Variants in HPSE2 observed in about 807,000 individuals in gnomAD.
HPSE2 encodes the protein inactive heparanase-2.
HPSE2 carries 38 observed loss-of-function variants against 60.5 expected under a neutral mutation model. That is an observed-to-expected ratio of 0.63 (90% CI 0.48 to 0.82). The LOEUF is 0.82. Among genes scored for constraint, HPSE2 ranks in the 40% least tolerant of loss-of-function variants. The pLI is 0.00. For missense variants in HPSE2, 713 were observed against 740.4 expected, an observed-to-expected ratio of 0.96 and a Z score of 0.43; for synonymous variants, 295 against 293.2, an observed-to-expected ratio of 1.01 and a Z score of -0.06.
chr10:98,757,030 C>T (rs944246648), intron 3 of HPSE2, among the ~76,000 whole-genome samples: 1 of 152,030 alleles, frequency 6.6e-6, no homozygotes, highest in African/African-American at 2.4e-5. Context: ...CATATTAATA[C>T]TCAAATTAAT....
chr10:98,976,849 T>A (rs1956097718), intron 3 of HPSE2, among the ~76,000 whole-genome samples: 1 of 152,040 alleles, frequency 6.6e-6, no homozygotes, highest in South Asian at 2.1e-4. Context: ...TGAAATGAGA[T>A]CATCCTGGAC....
chr10:98,588,569 G>A (rs1435556531), intron 9 of HPSE2, among the ~76,000 whole-genome samples: 5 of 152,102 alleles, frequency 3.3e-5, no homozygotes. Context: ...GAGGACTGCT[G>A]AGGTGACTGG....
chr10:98,756,430 A>C (rs1220258290), intron 3 of HPSE2, among the ~76,000 whole-genome samples: 1 of 152,038 alleles, frequency 6.6e-6, no homozygotes, highest in African/African-American at 2.4e-5. Flanking sequence ...TAGCTAGACT[A>C]ATAAAGAAAG....
At chr10:99,102,318 G>C (rs1395258796) in intron 3 of HPSE2, among the ~76,000 whole-genome samples, 1 of 152,170 alleles carries the variant, frequency 6.6e-6, no homozygotes, top group Non-Finnish European at 1.5e-5. Flanking sequence ...CGATCCCACA[G>C]AAATACAAAC....
At chr10:99,217,535 A>G (rs575821650) in intron 2 of HPSE2, among the ~76,000 whole-genome samples, 2 of 152,008 alleles carry the variant, frequency 1.3e-5, no homozygotes, top group South Asian at 2.1e-4. Flanking sequence ...CAAAATGCCT[A>G]TGCTCCACCC....
At chr10:98,916,298 G>C (rs1564653775) in intron 3 of HPSE2, among the ~76,000 whole-genome samples, 1 of 152,274 alleles carries the variant, frequency 6.6e-6, no homozygotes, top group South Asian at 2.1e-4. Flanking sequence ...TCTGCACAGG[G>C]CATGAAATAC....
chr10:98,918,397 C>G (rs942972150), intron 3 of HPSE2, among the ~76,000 whole-genome samples: 1 of 151,624 alleles, frequency 6.6e-6, no homozygotes, highest in Admixed American at 6.6e-5. Context: ...TATTGCGGCA[C>G]TATTCACAAT....
intron 3 of HPSE2, among the ~76,000 whole-genome samples, chr10:99,024,531 C>T (rs1394996187): frequency 1.3e-5 from 2 of 151,908 alleles, no homozygotes; most frequent in Non-Finnish European, 2.9e-5. Context: ...ACAGAACTTC[C>T]CAAGCCTAGA....
intron 3 of HPSE2, among the ~76,000 whole-genome samples, chr10:98,957,606 TA>T (rs1955542729): frequency 1.3e-5 from 2 of 152,334 alleles, no homozygotes; most frequent in South Asian, 4.1e-4. Context: ...CTTCTTGTTG[TA>T]AATGCATGCC....
chr10:99,234,182 G>C (rs1428365432), intron 1 of HPSE2, among the ~76,000 whole-genome samples: 1 of 152,150 alleles, frequency 6.6e-6, no homozygotes, highest in Admixed American at 6.5e-5. Flanking sequence ...CCGCCCTCGC[G>C]GCAACCGCAC....
At chr10:99,293,834 G>A in the HPSE2 span, among the ~76,000 whole-genome samples, 2 of 152,146 alleles carry the variant, frequency 1.3e-5, no homozygotes, top group Non-Finnish European at 2.9e-5. Flanking sequence ...AATATGTGCA[G>A]GGCATGGCCT....
intron 6 of HPSE2, among the ~76,000 whole-genome samples, chr10:98,657,030 T>C (rs1012089755): frequency 7.2e-5 from 11 of 152,286 alleles, no homozygotes; most frequent in African/African-American, 2.4e-4. Flanking sequence ...CCTAAAGTGC[T>C]GAGATTACAG....
intron 6 of HPSE2, among the ~76,000 whole-genome samples, chr10:98,648,042 G>C (rs1025314078): frequency 6.6e-6 from 1 of 152,224 alleles, no homozygotes; most frequent in Non-Finnish European, 1.5e-5. Context: ...GGCAAATAAT[G>C]TCTTTAATGA....
the HPSE2 span, among the ~76,000 whole-genome samples, chr10:99,249,819 T>G: frequency 6.6e-6 from 1 of 152,068 alleles, no homozygotes; most frequent in Non-Finnish European, 1.5e-5. Flanking sequence ...CTTGTGATAG[T>G]GGGTGAGTTC....
At position 98,457,583 on chromosome 10, in the gene HPSE2, T is replaced by G. The variant is rs1940103327; in HGVS notation, c.*1991A>C. On this transcript the variant is annotated 3_prime_UTR_variant, in exon 12 of 12. Coordinates refer to ENST00000370552, the MANE Select transcript of HPSE2 (RefSeq NM_021828.5). ...CTGTACCAGTATGTAGAAGAGACGTTGATATCTGCACACATTTTTAACAGT... is the reference window on the plus strand; with the variant it reads ...CTGTACCAGTATGTAGAAGAGACGTGGATATCTGCACACATTTTTAACAGT... 1 of 152,292 alleles carries G rather than the reference T, an allele frequency of 6.6e-6. No individual in the cohort carries two copies. Among genetic ancestry groups the G allele is most frequent in the African/African-American group, 2.4e-5 (1 of 41,476 alleles). The allele number at this position is 152,292 out of a possible 1,614,324, so 9.4% of individuals were successfully genotyped here. A position where few individuals can be genotyped will look rare whatever the true frequency, so the allele number is the denominator to read the frequency against.
chr10:99,036,343 A>G (rs1409832985), intron 3 of HPSE2, among the ~76,000 whole-genome samples: 1 of 152,248 alleles, frequency 6.6e-6, no homozygotes, highest in Non-Finnish European at 1.5e-5. Context: ...AGCCTGGAGC[A>G]TCTTGTGTTG....
intron 2 of HPSE2, among the ~76,000 whole-genome samples, chr10:99,231,486 C>G (rs552399246): frequency 5.8e-4 from 88 of 152,290 alleles, no homozygotes; most frequent in Non-Finnish European, 9.6e-4. Flanking sequence ...TCCACTTAAA[C>G]AGGAAGTTCA....
chr10:98,964,129 C>T (rs1020370282), intron 3 of HPSE2, among the ~76,000 whole-genome samples: 1 of 152,142 alleles, frequency 6.6e-6, no homozygotes, highest in African/African-American at 2.4e-5. Context: ...AGAGCCTGTC[C>T]AGTGAACTGT....
At chr10:99,229,178 A>T (rs1849570178) in intron 2 of HPSE2, among the ~76,000 whole-genome samples, 1 of 152,114 alleles carries the variant, frequency 6.6e-6, no homozygotes, top group Non-Finnish European at 1.5e-5. Flanking sequence ...ATATCGAAAA[A>T]AAAAAAAAAA....
Sources: gnomAD v4.1 joint callset for allele counts (sites outside exome capture counted in the v4.1 genomes callset) on GRCh38, gnomAD v4.1.1 for gene constraint, MANE v1.5 for transcripts, NCBI Gene and HGNC (gene_info 2026-07-23, HGNC 2026-07-21) for gene names.